SMARCA4: variants seen among roughly 807,000 people sequenced by gnomAD.
SMARCA4 encodes SWI/SNF related BAF chromatin remodeling complex subunit ATPase 4.
In SMARCA4, 31 loss-of-function variants were observed where a neutral mutation model predicts 193.9. The ratio of observed to expected loss-of-function variants is 0.16; its 90% CI spans 0.12 to 0.22. SMARCA4 has a LOEUF of 0.22. Among genes scored for constraint, SMARCA4 ranks in the 10% least tolerant of loss-of-function variants. SMARCA4 has a pLI of 1.00. For synonymous variants in SMARCA4, 942 were observed against 933.1 expected, an observed-to-expected ratio of 1.01 and a Z score of -0.17; for missense variants, 1,148 against 2,296.0, an observed-to-expected ratio of 0.50 and a Z score of 10.22.
chr19:11,052,752 G>C (rs1568550706), intron 30 of SMARCA4, among the ~76,000 whole-genome samples: 1 of 152,210 alleles, frequency 6.6e-6, no homozygotes, highest in African/African-American at 2.4e-5. Flanking sequence ...CAGCCCTGCA[G>C]ACAGTGGCCA....
chr19:11,052,140 A>T (rs2076296874), intron 30 of SMARCA4, among the ~76,000 whole-genome samples: 1 of 152,190 alleles, frequency 6.6e-6, no homozygotes, highest in South Asian at 2.1e-4. Flanking sequence ...GGAGGGATGA[A>T]GTAGAAGATT....
In SMARCA4 at chr19:11,019,098, C is replaced by T; in HGVS notation, c.2505+75C>T. On this transcript the variant is annotated intron_variant, in intron 17 of 34. Coordinates refer to ENST00000344626, the MANE Select transcript of SMARCA4 (RefSeq NM_003072.5). This position sits in a 1 kb window ranked among gnomAD's most constrained non-coding sequence, Gnocchi z 6.1. ...GTGGTGGGCAGGACGTCCACACATA[C>T]CTCTGGACAGTGAACCTGAGAATGC... 2.7e-6 allele frequency: 3 copies of T among 1,104,022 alleles called. No individual in the cohort carries two copies. Among genetic ancestry groups the T allele is most frequent in the Non-Finnish European group, 4.2e-6 (3 of 715,152 alleles). 68.4% of individuals were successfully genotyped at this position (1,104,022 alleles called of 1,614,324 possible).
At chr19:11,050,469 C>G (rs1416611086) in intron 30 of SMARCA4, among the ~76,000 whole-genome samples, 1 of 152,254 alleles carries the variant, frequency 6.6e-6, no homozygotes, top group Admixed American at 6.5e-5. Flanking sequence ...AGCCCAGACG[C>G]CAGCACTGTG....
chr19:10,992,581 C>T (rs1211609149), intron 8 of SMARCA4, among the ~76,000 whole-genome samples: 2 of 151,574 alleles, frequency 1.3e-5, no homozygotes, highest in Non-Finnish European at 2.9e-5. Context: ...TGCGCCGCCA[C>T]ACCTGTTTGT....
At chr19:10,995,462 C>T (rs575242223) in intron 9 of SMARCA4, 6 of 457,840 alleles carry the variant, frequency 1.3e-5, no homozygotes, top group Non-Finnish European at 2.2e-5. Flanking sequence ...GGGGCAGATA[C>T]GCGAATGAAG....
rs2075090923 is a variant in SMARCA4 at position 11,033,819 on chromosome 19, C to G, written c.3827C>G (p.Pro1276Arg). The change falls in exon 27 of 35, where the codon CCT becomes CGT. Residue 1276 changes from proline (P) to arginine (R), a missense_variant. Transcript: ENST00000344626. The surrounding 1 kb of genome is among the most constrained non-coding windows in gnomAD (Gnocchi z 9.8). ...SGSASFAHTA[P>R]PPAGVNPDLE... ...AGTGCCAGCTTCGCCCACACTGCCCCTCCGCCAGCGGGCGTCAACCCCGAC... is the reference window on the plus strand; with the variant it reads ...AGTGCCAGCTTCGCCCACACTGCCCGTCCGCCAGCGGGCGTCAACCCCGAC... 1.3e-6 allele frequency: 1 copy of G among 779,808 alleles called. No homozygotes were observed. The highest frequency in any genetic ancestry group is 1.7e-5 in the African/African-American group (1 of 59,268). The allele number at this position is 779,808 out of a possible 1,614,324, so 48.3% of individuals were successfully genotyped here.
rs1348783929 is a variant in SMARCA4, at chr19:11,035,031, C to T, written c.4069C>T (p.Leu1357=). 2.5e-6 allele frequency: 4 copies of T among 1,612,818 alleles called. No individual in the cohort carries two copies. The highest frequency in any genetic ancestry group is 1.1e-5 in the South Asian group (1 of 91,004). Residue 1357 remains leucine, a synonymous_variant, in exon 29 of 35, where the codon CTG becomes TTG. Transcript: ENST00000344626. ...CAAGGACGACGCGGAGGTGGAGCGG[C>T]TGACCTGTGAGGAGGAGGAGGAGAA... ...IIKDDAEVER[L]TCEEEEEKMF...
Position 10,985,200 on chromosome 19 carries a change from C to T in SMARCA4, c.223-73C>T, listed in dbSNP as rs2085912249. The T allele has an allele frequency of 1.2e-5, 18 of 1,534,584 alleles. No homozygotes were observed. The highest frequency in any genetic ancestry group is 5.5e-5 in the African/African-American group (4 of 73,368). ...GTTCTCGGTGCCCTCGAGCTTCTCT[C>T]GGGCAGCGCATAGCTGCGCTGCCAC... On this transcript the variant is annotated intron_variant, in intron 2 of 34. Transcript: ENST00000344626. This position sits in a 1 kb window ranked among gnomAD's most constrained non-coding sequence, Gnocchi z 4.5.
chr19:11,003,956 C>T (rs978931125), intron 13 of SMARCA4, among the ~76,000 whole-genome samples: 3 of 152,016 alleles, frequency 2.0e-5, no homozygotes, highest in Admixed American at 6.6e-5. Context: ...AAGTGATCCA[C>T]CTGCCTCAGC....
chr19:11,052,439 G>A (rs570923086), intron 30 of SMARCA4, among the ~76,000 whole-genome samples: 2 of 152,156 alleles, frequency 1.3e-5, no homozygotes, highest in African/African-American at 4.8e-5. Flanking sequence ...TGGCATGTGG[G>A]GCTCCAGGGG....
intron 9 of SMARCA4, chr19:10,995,515 A>G (rs1600075923): frequency 2.2e-6 from 1 of 455,974 alleles, no homozygotes; most frequent in Non-Finnish European, 4.4e-6. Context: ...GAGGAGGGGG[A>G]AGTGGAGTGG....
intron 1 of SMARCA4, among the ~76,000 whole-genome samples, chr19:10,963,649 C>G (rs1247646425): frequency 6.6e-6 from 1 of 152,148 alleles, no homozygotes; most frequent in Admixed American, 6.6e-5. Flanking sequence ...GGGCCCCCCA[C>G]TTGTGAAACA....
At chr19:11,013,158 C>T (rs1391740149) in intron 16 of SMARCA4, 46 bp downstream of exon 16, 1 of 1,602,308 alleles carries the variant, frequency 6.2e-7, no homozygotes, top group Non-Finnish European at 8.5e-7. Context: ...CTCACACGCT[C>T]CTGTGTTTGT....
intron 11 of SMARCA4, among the ~76,000 whole-genome samples, chr19:10,997,010 C>T (rs1344604014): frequency 6.6e-6 from 1 of 151,720 alleles, no homozygotes; most frequent in Non-Finnish European, 1.5e-5. Context: ...TATGCCCCAC[C>T]ACACCCAGCT....
chr19:11,041,315 G>A lies in SMARCA4; in HGVS notation c.4179G>A (p.Glu1393=), dbSNP rs201879930. 907 of 1,610,168 alleles carry A rather than the reference G, an allele frequency of 5.6e-4. 1 individual carries two copies. The highest frequency in any genetic ancestry group is 7.3e-4 in the Non-Finnish European group (858 of 1,179,266). ...TACTATTGACCCTGAAGGCCATCGA[G>A]GAGGGCACGCTGGAGGAGATCGAAG... The part of the protein sequence containing the change: ...LTEKQWLKAI[E]EGTLEEIEEE... The change falls in exon 30 of 35, where the codon GAG becomes GAA. Residue 1393 remains glutamate (E), a synonymous_variant. Coordinates refer to ENST00000344626, the MANE Select transcript of SMARCA4 (RefSeq NM_003072.5). This position sits in a 1 kb window ranked among gnomAD's most constrained non-coding sequence, Gnocchi z 5.6.
chr19:10,996,373 A>T lies in SMARCA4; in HGVS notation c.1754A>T (p.Lys585Ile). The T allele has an allele frequency of 6.2e-7, 1 of 1,614,226 alleles. No homozygotes were observed. Residue 585 changes from lysine to isoleucine, a missense_variant, in exon 10 of 35, where the codon AAA becomes ATA. Physicochemically the swap from Lys to Ile is moderately radical, Grantham distance 102. This residue lies in a region of SMARCA4 where 115 missense variants were observed against 175.1 expected (regional missense o/e 0.66). Transcript: ENST00000344626. ...GCCAAGGAGAAAAAGAAGAAAAAGA[A>T]AAAGAAGGTGTGCTGGGCCTGGCAT... Reference protein sequence around the residue: ...QVAKEKKKKKKKKKAENAEGQ... With the variant: ...QVAKEKKKKKIKKKAENAEGQ...
At chr19:11,016,994 G>T (rs1415549535) in intron 16 of SMARCA4, among the ~76,000 whole-genome samples, 1 of 151,988 alleles carries the variant, frequency 6.6e-6, no homozygotes, top group East Asian at 1.9e-4. Context: ...TTGCTTCTGG[G>T]GTGTCATTGC....
At chr19:11,039,792 T>A (rs2075481023) in intron 29 of SMARCA4, 1 of 320,324 alleles carries the variant, frequency 3.1e-6, no homozygotes, top group Admixed American at 4.9e-5. Flanking sequence ...CTAAGAAAAT[T>A]TAAAAATCGG....
At chr19:10,990,215 G>A (rs1005027750) in intron 7 of SMARCA4, among the ~76,000 whole-genome samples, 1 of 152,042 alleles carries the variant, frequency 6.6e-6, no homozygotes, top group Non-Finnish European at 1.5e-5. Flanking sequence ...GTGCAGTGGT[G>A]CCATCTCACC....
Sources: gnomAD v4.1 joint callset for allele counts (sites outside exome capture counted in the v4.1 genomes callset) on GRCh38, gnomAD v4.1.1 for gene constraint, gnomAD v4.1.1 regional missense constraint, Gnocchi (gnomAD v3.1) non-coding constraint, MANE v1.5 for transcripts, NCBI Gene and HGNC (gene_info 2026-07-23, HGNC 2026-07-21) for gene names.